SYN2: variants seen among roughly 807,000 people sequenced by gnomAD.
SYN2 encodes synapsin II, also known as synapsin-2.
In SYN2, 19 loss-of-function variants were observed where a neutral mutation model predicts 50.9. That is an observed-to-expected ratio of 0.37 (90% confidence interval 0.26 to 0.55). The LOEUF (loss-of-function observed/expected upper bound fraction) is 0.55. Ranked by LOEUF, SYN2 falls within the 20% of genes least tolerant of loss-of-function variation. The pLI is 0.81. For synonymous variants in SYN2, 255 were observed against 224.9 expected (o/e 1.13, Z -1.20); for missense variants, 587 against 576.4 (o/e 1.02, Z -0.19).
chr3:12,173,873 C>T (rs1697995318), intron 10 of SYN2, among the ~76,000 whole-genome samples: 1 of 152,146 alleles, frequency 6.6e-6, no homozygotes, highest in Admixed American at 6.5e-5. Flanking sequence ...GAGATCGTAC[C>T]AGTGCACCTG....
At chr3:12,091,508 A>T (rs987180032) in intron 1 of SYN2, among the ~76,000 whole-genome samples, 1 of 152,166 alleles carries the variant, frequency 6.6e-6, no homozygotes, top group Non-Finnish European at 1.5e-5. Context: ...CAGCTCAAGT[A>T]ATTCTTATAA....
rs563338947 is a variant in SYN2, at chr3:12,111,893, G to A, written c.378-28758G>A. Among the ~76,000 whole-genome samples, 9 of 152,272 alleles carry A rather than the reference G, an allele frequency of 5.9e-5. No homozygotes were observed. The East Asian group carries it at 1.7e-3, about 29-fold the overall frequency. Reference sequence around the variant, plus strand: ...TATTTTGGGATGCCCACGCATTAAGGGGCTGGGAGAAGGAATCCTGGTGTC... The same window carrying A: ...TATTTTGGGATGCCCACGCATTAAGAGGCTGGGAGAAGGAATCCTGGTGTC... On this transcript the variant is annotated intron_variant, in intron 1 of 12. Transcript: ENST00000621198.
intron 1 of SYN2, among the ~76,000 whole-genome samples, chr3:12,053,891 T>C (rs1293338997): frequency 2.0e-5 from 3 of 152,184 alleles, no homozygotes; most frequent in Non-Finnish European, 4.4e-5. Flanking sequence ...AAAATTTTCA[T>C]ATTATTTTAT....
chr3:12,016,028 A>C (rs998184278), intron 1 of SYN2, among the ~76,000 whole-genome samples: 2 of 152,222 alleles, frequency 1.3e-5, no homozygotes, highest in South Asian at 2.1e-4. Flanking sequence ...CCCTTTCTCT[A>C]TCATGGACTG....
chr3:12,132,291 A>G (rs527813396), intron 1 of SYN2, among the ~76,000 whole-genome samples: 2 of 152,150 alleles, frequency 1.3e-5, no homozygotes, highest in Non-Finnish European at 2.9e-5. Context: ...GTCCTCACCT[A>G]AGGAAGTATA....
At chr3:12,026,685 G>C (rs891914869) in intron 1 of SYN2, among the ~76,000 whole-genome samples, 1 of 152,190 alleles carries the variant, frequency 6.6e-6, no homozygotes, top group Non-Finnish European at 1.5e-5. Context: ...GTGATGAAAA[G>C]GGCAAGAATG....
intron 1 of SYN2, among the ~76,000 whole-genome samples, chr3:12,108,348 G>A (rs536589422): frequency 1.3e-5 from 2 of 152,314 alleles, no homozygotes; most frequent in African/African-American, 4.8e-5. Flanking sequence ...GTGGCAAAGC[G>A]TGGATGAAAA....
chr3:12,153,328 A>G (rs940446737), intron 5 of SYN2: 5 of 649,446 alleles, frequency 7.7e-6, no homozygotes, highest in East Asian at 2.7e-5. Context: ...GGCAGGGGCA[A>G]CAGGCTGAGG....
At chr3:12,188,157 AG>A (rs1698382736) in intron 12 of SYN2, among the ~76,000 whole-genome samples, 1 of 152,200 alleles carries the variant, frequency 6.6e-6, no homozygotes, top group Admixed American at 6.5e-5. Flanking sequence ...TGTCCAAAGG[AG>A]GTCAGTTTCT....
chr3:12,163,241 CAA>C (rs11404808), intron 7 of SYN2, among the ~76,000 whole-genome samples: 5 of 122,540 alleles, frequency 4.1e-5, no homozygotes, highest in Non-Finnish European at 4.9e-5. Flanking sequence ...GACTCTGTCT[CAA>C]AAAAAAAAAA....
chr3:12,146,726 T>C (rs1332471233), intron 4 of SYN2, among the ~76,000 whole-genome samples: 1 of 152,104 alleles, frequency 6.6e-6, no homozygotes. Context: ...TGGAAACTTT[T>C]AGGCAGATAG....
chr3:12,010,983 G>A (rs1400569286), intron 1 of SYN2, among the ~76,000 whole-genome samples: 1 of 152,158 alleles, frequency 6.6e-6, no homozygotes, highest in African/African-American at 2.4e-5. Flanking sequence ...AACAAAAGAT[G>A]ACAATGCCAC....
chr3:12,104,578 T>G (rs1173796789), intron 1 of SYN2, among the ~76,000 whole-genome samples: 11 of 130,840 alleles, frequency 8.4e-5, no homozygotes, highest in Admixed American at 1.5e-4. Context: ...TTCTTTTTTT[T>G]TTTTTTTTTT....
At position 12,168,478 on chromosome 3, in the gene SYN2, G is replaced by C. The variant is rs985397767; in HGVS notation, c.1158G>C (p.Glu386Asp). The C allele has an allele frequency of 6.2e-6, 10 of 1,612,976 alleles. No homozygotes were observed. Among genetic ancestry groups the C allele is most frequent in the African/African-American group, 1.3e-5 (1 of 74,904 alleles). ...AAGATGGGAAAGACTACATTTTTGAGGTAAGTCTGGACCAAGCAGTAAGAG... is the reference window on the plus strand; with the variant it reads ...AAGATGGGAAAGACTACATTTTTGACGTAAGTCTGGACCAAGCAGTAAGAG... ...HGKDGKDYIF[E>D]VMDCSMPLIG... The change falls in exon 9 of 13, where the codon GAG (glutamate) becomes GAC (aspartate). Residue 386 changes from glutamate to aspartate, a missense_variant and splice_region_variant. By Grantham distance (45) the Glu-to-Asp change is conservative. Transcript: ENST00000621198.
At chr3:12,046,213 G>A (rs1386133400) in intron 1 of SYN2, among the ~76,000 whole-genome samples, 2 of 152,134 alleles carry the variant, frequency 1.3e-5, no homozygotes, top group African/African-American at 4.8e-5. Flanking sequence ...TAAATTGGGT[G>A]GGTGAAACTG....
intron 4 of SYN2, among the ~76,000 whole-genome samples, 165 bp downstream of exon 4, chr3:12,146,000 A>G (rs1011652874): frequency 5.9e-5 from 9 of 152,160 alleles, no homozygotes; most frequent in African/African-American, 2.2e-4. Context: ...CCCAGCTAAG[A>G]GGATGTGAGA....
At chr3:12,091,959 A>G (rs1695839743) in intron 1 of SYN2, among the ~76,000 whole-genome samples, 1 of 152,234 alleles carries the variant, frequency 6.6e-6, no homozygotes, top group African/African-American at 2.4e-5. Context: ...GCCAACTGAC[A>G]AAATAATTGC....
At chr3:12,174,772 G>A (rs1203493153) in intron 10 of SYN2, among the ~76,000 whole-genome samples, 7 of 152,112 alleles carry the variant, frequency 4.6e-5, no homozygotes, top group Non-Finnish European at 1.0e-4. Context: ...GAGCCACCGC[G>A]CCCAGCCATA....
chr3:12,088,773 GA>G (rs1409168751), intron 1 of SYN2, among the ~76,000 whole-genome samples: 2 of 152,184 alleles, frequency 1.3e-5, no homozygotes, highest in Non-Finnish European at 2.9e-5. Context: ...TGTGTTATGT[GA>G]AAGAAGCCAG....
Sources: gnomAD v4.1 joint callset for allele counts (sites outside exome capture counted in the v4.1 genomes callset) on GRCh38, gnomAD v4.1.1 for gene constraint, MANE v1.5 for transcripts, NCBI Gene and HGNC (gene_info 2026-07-23, HGNC 2026-07-21) for gene names.